DOCK1: variants seen among roughly 807,000 people sequenced by gnomAD.
The protein encoded by DOCK1 is dedicator of cytokinesis 1.
Under a neutral mutation model 262.7 loss-of-function variants are expected in DOCK1, and 138 were observed. The ratio of observed to expected loss-of-function variants is 0.53; its 90% confidence interval spans 0.46 to 0.61. The LOEUF (loss-of-function observed/expected upper bound fraction) is 0.61, where lower values mean the gene tolerates loss of function less well. DOCK1 is among the 20% of genes least tolerant of loss of function. The pLI is 0.00. For synonymous variants in DOCK1, 866 were observed against 867.4 expected, an observed-to-expected ratio of 1.00 and a Z score of 0.03; for missense variants, 1,908 against 2,370.7, an observed-to-expected ratio of 0.80 and a Z score of 4.05.
At chr10:127,174,251 G>A (rs776145066) in intron 27 of DOCK1, among the ~76,000 whole-genome samples, 7 of 152,166 alleles carry the variant, frequency 4.6e-5, no homozygotes, top group Admixed American at 1.3e-4. Context: ...CGCTGCCTCC[G>A]ATGTTACCTC....
intron 40 of DOCK1, among the ~76,000 whole-genome samples, chr10:127,405,730 G>A (rs1411580672): frequency 6.6e-6 from 1 of 152,130 alleles, no homozygotes; most frequent in South Asian, 2.1e-4. Flanking sequence ...CCACAGTTCT[G>A]GCCTGCTCTA....
In DOCK1 at chr10:127,012,817, G is replaced by A. The variant is rs1374261789; in HGVS notation, c.1201+443G>A. On this transcript the variant is annotated intron_variant, in intron 12 of 51. Transcript: ENST00000623213. The surrounding 1 kb of genome is among the most constrained non-coding windows in gnomAD (Gnocchi z 4.0). Reference sequence around the variant, plus strand: ...CCTCACACTCACTGTTTTTAATCCTGCACTGACACGTTTCTGAGCAGCTGA... The same window carrying A: ...CCTCACACTCACTGTTTTTAATCCTACACTGACACGTTTCTGAGCAGCTGA... 6.6e-6 allele frequency among the ~76,000 whole-genome samples: 1 copy of A among 152,128 alleles called. No individual in the cohort carries two copies. The highest frequency in any genetic ancestry group is 1.9e-4 in the East Asian group (1 of 5,178).
intron 29 of DOCK1, among the ~76,000 whole-genome samples, chr10:127,293,122 G>A (rs1024501207): frequency 6.6e-6 from 1 of 152,170 alleles, no homozygotes; most frequent in African/African-American, 2.4e-5. Flanking sequence ...TGCCGTGGAG[G>A]ACTCATACAT....
At position 127,243,557 on chromosome 10, in the gene DOCK1, T is replaced by A. The variant is rs558875718; in HGVS notation, c.2848-4451T>A. 2.0e-5 allele frequency among the ~76,000 whole-genome samples: 3 copies of A among 152,178 alleles called. No homozygotes were observed. The East Asian group carries it at 5.8e-4, about 30-fold the overall frequency. On this transcript the variant is annotated intron_variant, in intron 27 of 51. Transcript: ENST00000623213. ...TACCTGTGCTCAGTTCTACCTGTTC[T>A]CCATTTTTCCTATCAACCTACCTAG...
intron 29 of DOCK1, among the ~76,000 whole-genome samples, chr10:127,305,175 T>G (rs1332203479): frequency 4.6e-5 from 7 of 152,208 alleles, no homozygotes; most frequent in Non-Finnish European, 2.9e-5. Context: ...CATTTAGTTT[T>G]CCAAAACTGG....
intron 27 of DOCK1, among the ~76,000 whole-genome samples, chr10:127,231,962 C>T (rs2058858119): frequency 6.6e-6 from 1 of 152,124 alleles, no homozygotes; most frequent in Admixed American, 6.5e-5. Context: ...AAACCAAGGT[C>T]CCTGCACACA....
At chr10:127,262,066 G>A (rs34553241) in intron 29 of DOCK1, among the ~76,000 whole-genome samples, 41,196 of 125,568 alleles carry the variant, frequency 0.33, 7,490 homozygotes, top group East Asian at 0.38. Flanking sequence ...TCTTCTGTGT[G>A]TGTGCATGTG....
At chr10:127,347,624 T>C (rs146791666) in intron 31 of DOCK1, among the ~76,000 whole-genome samples, 153 of 151,066 alleles carry the variant, frequency 1.0e-3, no homozygotes, top group African/African-American at 3.5e-3. Flanking sequence ...CCTCACACTC[T>C]GGGCAAACGA....
At chr10:127,419,603 A>T (rs1590977654) in intron 45 of DOCK1, 63 bp from the exon 46 acceptor site, 1 of 1,419,450 alleles carries the variant, frequency 7.0e-7, no homozygotes, top group Middle Eastern at 1.8e-4. Flanking sequence ...GGCACACAGT[A>T]AGTGTGCAAA....
chr10:127,208,825 T>C lies in DOCK1; in HGVS notation c.2848-39183T>C, dbSNP rs142861409. Among the ~76,000 whole-genome samples the C allele has an allele frequency of 5.7e-3, 868 of 152,294 alleles. 10 individuals are homozygous for C. The highest frequency in any genetic ancestry group is 0.02 in the African/African-American group (825 of 41,556). ...TCTCTAAGATAATAACGTTGAGATATTCTCTAAAGACCTAGGATAAAGTTC... is the reference window on the plus strand; with the variant it reads ...TCTCTAAGATAATAACGTTGAGATACTCTCTAAAGACCTAGGATAAAGTTC... On this transcript the variant is annotated intron_variant, in intron 27 of 51. Coordinates refer to ENST00000623213, the MANE Select transcript of DOCK1 (RefSeq NM_001290223.2).
At chr10:127,238,344 A>C (rs906257802) in intron 27 of DOCK1, among the ~76,000 whole-genome samples, 2 of 152,172 alleles carry the variant, frequency 1.3e-5, no homozygotes, top group Non-Finnish European at 2.9e-5. Flanking sequence ...AATTAGGAAG[A>C]ATCTATAGGG....
chr10:127,374,258 C>T (rs757600925), intron 35 of DOCK1, 44 bp downstream of exon 35: 11 of 1,570,988 alleles, frequency 7.0e-6, no homozygotes, highest in Non-Finnish European at 9.5e-6. Context: ...TCACAGCACA[C>T]CAGAAACTGA....
At chr10:127,281,346 A>T (rs969745029) in intron 29 of DOCK1, among the ~76,000 whole-genome samples, 2 of 152,172 alleles carry the variant, frequency 1.3e-5, no homozygotes, top group African/African-American at 4.8e-5. Context: ...AGAAAATGAT[A>T]CAGAGTTTAG....
chr10:127,032,473 A>G (rs2043307548), intron 18 of DOCK1, among the ~76,000 whole-genome samples, 153 bp downstream of exon 18: 1 of 152,242 alleles, frequency 6.6e-6, no homozygotes, highest in African/African-American at 2.4e-5. Flanking sequence ...TTATCAATGC[A>G]TAGAAGGTGG....
At chr10:127,128,336 AT>A (rs59508487) in intron 27 of DOCK1, among the ~76,000 whole-genome samples, 100,938 of 137,260 alleles carry the variant, frequency 0.74, 39,159 homozygotes, top group East Asian at 0.93. Flanking sequence ...ATCTCGTTTA[AT>A]TTTTTTTTTT....
At chr10:127,391,603 G>A (rs1479536716) in intron 38 of DOCK1, among the ~76,000 whole-genome samples, 5 of 29,390 alleles carry the variant, frequency 1.7e-4, no homozygotes, top group Admixed American at 1.4e-3. Context: ...GTCTATGCAC[G>A]TGCCTTAGGG....
At chr10:127,332,938 T>G (rs1477534403) in intron 29 of DOCK1, among the ~76,000 whole-genome samples, 3 of 152,164 alleles carry the variant, frequency 2.0e-5, no homozygotes, top group African/African-American at 2.4e-5. Context: ...CACCTCAACT[T>G]GCCTCTTCCC....
intron 1 of DOCK1, among the ~76,000 whole-genome samples, chr10:126,949,124 C>T (rs1267193397): frequency 6.6e-6 from 1 of 152,078 alleles, no homozygotes; most frequent in Admixed American, 6.6e-5. Context: ...TTGCTGCCTG[C>T]CTGGCACTCT....
intron 6 of DOCK1, among the ~76,000 whole-genome samples, chr10:126,992,751 C>CAG (rs1379184896): frequency 4.2e-5 from 6 of 143,050 alleles, no homozygotes; most frequent in Non-Finnish European, 9.2e-5. Context: ...CACACACACA[C>CAG]ACACACACAC....
Sources: allele counts gnomAD v4.1 joint callset (sites outside exome capture counted in the v4.1 genomes callset), GRCh38; gene constraint gnomAD v4.1.1; non-coding constraint Gnocchi (gnomAD v3.1); transcripts MANE v1.5; gene names NCBI Gene and HGNC (gene_info 2026-07-23, HGNC 2026-07-21).